The following RALA variants were observed in gnomAD, a reference collection of about 807,000 sequenced individuals.
RALA encodes RAS like proto-oncogene A.
RALA carries 5 observed loss-of-function variants against 24.0 expected under a neutral mutation model. That is an observed-to-expected ratio of 0.21 (90% confidence interval 0.11 to 0.44). The LOEUF (loss-of-function observed/expected upper bound fraction) is 0.44. Ranked by LOEUF, RALA falls within the 20% of genes least tolerant of loss-of-function variation. RALA has a pLI of 0.99. For synonymous variants in RALA, 77 were observed against 83.8 expected, an observed-to-expected ratio of 0.92 and a Z score of 0.44; for missense variants, 95 against 241.2, an observed-to-expected ratio of 0.39 and a Z score of 4.01.
In RALA at chr7:39,633,986, GGTCCCTGT is replaced by G. The variant is rs1297815050; in HGVS notation, c.-38+10164_-38+10171del. ...GATTCTTATAATTTCAAGATTACCA[GGTCCCTGT>G]GTGAACTCTCAGACCACATCCTGTT... On this transcript the variant is annotated intron_variant, in intron 1 of 4. Coordinates refer to ENST00000005257, the MANE Select transcript of RALA (RefSeq NM_005402.4). Among the ~76,000 whole-genome samples the G allele has an allele frequency of 1.1e-3, 161 of 152,242 alleles. 2 individuals are homozygous for G. Among genetic ancestry groups the G allele is most frequent in the Admixed American group, 2.0e-4 (3 of 15,302 alleles).
chr7:39,697,386 C>T (rs764735297), intron 4 of RALA: 10 of 456,614 alleles, frequency 2.2e-5, no homozygotes, highest in Non-Finnish European at 4.4e-5. Flanking sequence ...GCCCTCCTTT[C>T]TTGTCTTCTC....
chr7:39,624,521 A>G (rs992259280), intron 1 of RALA: 2 of 151,990 alleles, frequency 1.3e-5, no homozygotes, highest in African/African-American at 4.8e-5. Context: ...GAAGTGGAAG[A>G]TGTGATTGGC....
chr7:39,656,277 T>G (rs1173970395), intron 1 of RALA, among the ~76,000 whole-genome samples: 2 of 152,198 alleles, frequency 1.3e-5, no homozygotes, highest in East Asian at 1.9e-4. Flanking sequence ...TAGGCCAGAG[T>G]ATTTAGTCTA....
intron 1 of RALA, among the ~76,000 whole-genome samples, chr7:39,642,475 G>A (rs1340863201): frequency 6.6e-6 from 1 of 152,118 alleles, no homozygotes; most frequent in Non-Finnish European, 1.5e-5. Context: ...GGTAGAGATA[G>A]ATTTTCCTTG....
chr7:39,674,811 ATTTTATGCTTT>A (rs1792451108), intron 1 of RALA, among the ~76,000 whole-genome samples: 1 of 134,612 alleles, frequency 7.4e-6, no homozygotes, highest in African/African-American at 2.8e-5. Flanking sequence ...CCTGAAGGTA[ATTTTATGCTTT>A]TTTTTTTTTT....
At chr7:39,694,120 A>T (rs1792876692) in intron 3 of RALA, among the ~76,000 whole-genome samples, 1 of 152,232 alleles carries the variant, frequency 6.6e-6, no homozygotes, top group African/African-American at 2.4e-5. Context: ...TGAGATAGAT[A>T]CTACTGGATT....
At chr7:39,670,951 A>G (rs1792371380) in intron 1 of RALA, among the ~76,000 whole-genome samples, 1 of 152,188 alleles carries the variant, frequency 6.6e-6, no homozygotes, top group Non-Finnish European at 1.5e-5. Flanking sequence ...GGTCCCACAG[A>G]AGCTGCTTGT....
At chr7:39,625,256 G>GTTCTT (rs1554294487) in intron 1 of RALA, among the ~76,000 whole-genome samples, 1 of 152,166 alleles carries the variant, frequency 6.6e-6, no homozygotes, top group Non-Finnish European at 1.5e-5. Flanking sequence ...AGCAGTCAGA[G>GTTCTT]TTCTTTGCCT....
At chr7:39,672,050 G>A (rs982156789) in intron 1 of RALA, among the ~76,000 whole-genome samples, 1 of 151,872 alleles carries the variant, frequency 6.6e-6, no homozygotes, top group African/African-American at 2.4e-5. Context: ...TAGTTAATTT[G>A]CCACTTAAAA....
chr7:39,680,616 A>G (rs1344140399), intron 1 of RALA, among the ~76,000 whole-genome samples: 4 of 151,268 alleles, frequency 2.6e-5, no homozygotes, highest in African/African-American at 7.3e-5. Context: ...GTTCTTTCAT[A>G]TTTTTTTCCT....
At chr7:39,674,795 T>C (rs1483453504) in intron 1 of RALA, among the ~76,000 whole-genome samples, 5 of 151,186 alleles carry the variant, frequency 3.3e-5, no homozygotes, top group Admixed American at 2.6e-4. Context: ...TTTATACATA[T>C]AGCAGCCTGA....
chr7:39,688,050 C>G (rs1792739892), intron 2 of RALA, among the ~76,000 whole-genome samples: 1 of 152,080 alleles, frequency 6.6e-6, no homozygotes, highest in African/African-American at 2.4e-5. Flanking sequence ...TGCACCCAAC[C>G]CCCCATGTCT....
chr7:39,701,470 C>T (rs1793025356), intron 4 of RALA, among the ~76,000 whole-genome samples: 1 of 152,190 alleles, frequency 6.6e-6, no homozygotes. Context: ...GAGATCATAA[C>T]CACTACCCTC....
chr7:39,659,040 GA>G (rs1265294366), intron 1 of RALA, among the ~76,000 whole-genome samples: 1 of 152,130 alleles, frequency 6.6e-6, no homozygotes, highest in Non-Finnish European at 1.5e-5. Flanking sequence ...TGCGCTTTGG[GA>G]GGCCGAGGCA....
At chr7:39,662,471 TG>T (rs1449877674) in intron 1 of RALA, among the ~76,000 whole-genome samples, 19 of 152,218 alleles carry the variant, frequency 1.2e-4, no homozygotes, top group Admixed American at 1.2e-3. Context: ...TTCAGTGCTT[TG>T]CTGCTTAGAA....
intron 1 of RALA, among the ~76,000 whole-genome samples, chr7:39,684,894 T>A (rs1021641781): frequency 6.6e-6 from 1 of 152,200 alleles, no homozygotes; most frequent in Non-Finnish European, 1.5e-5. Context: ...ATTCATTCAA[T>A]GCTTTTGCAC....
chr7:39,632,740 C>T (rs1410926746), intron 1 of RALA, among the ~76,000 whole-genome samples: 1 of 152,082 alleles, frequency 6.6e-6, no homozygotes, highest in Non-Finnish European at 1.5e-5. Flanking sequence ...TCACTTGAGC[C>T]CAGGAGGGGA....
At chr7:39,649,946 T>C (rs1791992868) in intron 1 of RALA, among the ~76,000 whole-genome samples, 1 of 152,224 alleles carries the variant, frequency 6.6e-6, no homozygotes, top group Non-Finnish European at 1.5e-5. Context: ...ACTGTTGGAT[T>C]TAGCAGTGTG....
At chr7:39,690,072 A>G (rs1236367399) in intron 2 of RALA, among the ~76,000 whole-genome samples, 3 of 152,198 alleles carry the variant, frequency 2.0e-5, no homozygotes, top group Non-Finnish European at 4.4e-5. Flanking sequence ...TAGAAAAAAG[A>G]CTATTATAAA....
Sources: allele counts gnomAD v4.1 joint callset (sites outside exome capture counted in the v4.1 genomes callset), GRCh38; gene constraint gnomAD v4.1.1; transcripts MANE v1.5; gene names NCBI Gene and HGNC (gene_info 2026-07-23, HGNC 2026-07-21).